BCOR: variants seen among roughly 807,000 people sequenced by gnomAD.
BCOR encodes BCL-6 corepressor.
A neutral mutation model predicts 86.7 loss-of-function variants in BCOR; 10 were observed. That is an observed-to-expected ratio of 0.12 (90% confidence interval 0.07 to 0.20). BCOR has a LOEUF of 0.20. Ranked by LOEUF, BCOR falls within the 10% of genes least tolerant of loss-of-function variation. The probability of loss-of-function intolerance (pLI) is 1.00; values close to 1 mark genes in which losing one functional copy is unlikely to be tolerated. For missense variants in BCOR, 1,259 were observed against 1,452.1 expected (o/e 0.87, Z 2.16); for synonymous variants, 611 against 609.0 (o/e 1.00, Z -0.05).
At chrX:40,092,266 G>C (rs1179626578) in intron 1 of BCOR, among the ~76,000 whole-genome samples, 2 of 111,877 alleles carry the variant, frequency 1.8e-5, no homozygotes, top group Admixed American at 9.3e-5. Flanking sequence ...CACTCCGCCC[G>C]GCGCGGGCCC....
In BCOR at chrX:40,113,354, C is replaced by G. The variant is rs191594074; in HGVS notation, c.-40-35385G>C. ...CCTGGAAGGTCCAGACTGCAGTGAGCCATGATTGCACCATTGCACTCCAGC... is the reference window on the plus strand; with the variant it reads ...CCTGGAAGGTCCAGACTGCAGTGAGGCATGATTGCACCATTGCACTCCAGC... On this transcript the variant is annotated intron_variant, in intron 1 of 14. Transcript: ENST00000342274. 1.5e-4 allele frequency among the ~76,000 whole-genome samples: 16 copies of G among 106,791 alleles called. No homozygotes were observed. The East Asian group carries it at 4.7e-3, about 31-fold the overall frequency. The allele number at this position is 106,791 out of a possible 115,157, so 92.7% of individuals were successfully genotyped here. A position where few individuals can be genotyped will look rare whatever the true frequency, so the allele number is the denominator to read the frequency against.
chrX:40,086,266 G>A (rs760967324), intron 1 of BCOR, among the ~76,000 whole-genome samples: 3 of 112,347 alleles, frequency 2.7e-5, no homozygotes, highest in East Asian at 2.8e-4. Flanking sequence ...GGGGAACAAC[G>A]GCCTTCAGAG....
chrX:40,069,641 C>T (rs1036464495), intron 6 of BCOR, among the ~76,000 whole-genome samples: 2 of 112,631 alleles, frequency 1.8e-5, no homozygotes, highest in African/African-American at 6.5e-5. Flanking sequence ...TCCCCATCAA[C>T]TCGGCCTTGC....
Position 40,072,532 on chromosome X carries a change from G to C in BCOR, c.2814C>G (p.Thr938=). The C allele has an allele frequency of 1.7e-6, 2 of 1,212,051 alleles. No individual in the cohort carries two copies. Among genetic ancestry groups the C allele is most frequent in the Non-Finnish European group, 1.1e-6 (1 of 895,535 alleles). Residue 938 remains threonine, a synonymous_variant, in exon 4 of 15, where the codon ACC becomes ACG. Transcript: ENST00000378444. ...CCTCATCAGCTCCATCTTTGGTATA[G>C]GTGGGGGTCACATCCACACTTGGTG... ...SAPPSVDVTP[T]YTKDGADEAE...
chrX:40,140,706 A>G (rs1307922590), intron 1 of BCOR, among the ~76,000 whole-genome samples: 1 of 112,716 alleles, frequency 8.9e-6, no homozygotes, highest in Admixed American at 9.4e-5. Flanking sequence ...AGAGGCTTGA[A>G]CGAATGCTAG....
At chrX:40,132,932 G>A (rs747243622) in intron 1 of BCOR, among the ~76,000 whole-genome samples, 4 of 111,665 alleles carry the variant, frequency 3.6e-5, no homozygotes, top group African/African-American at 6.5e-5. Context: ...ATTTTCAGGC[G>A]TGGGGCCAGG....
intron 1 of BCOR, among the ~76,000 whole-genome samples, chrX:40,172,369 T>C (rs1438556834): frequency 8.9e-6 from 1 of 112,486 alleles, no homozygotes; most frequent in Non-Finnish European, 1.9e-5. Flanking sequence ...CAAGCCTGAC[T>C]GTGCTTCCTA....
chrX:40,140,016 G>A (rs1386186240), intron 1 of BCOR, among the ~76,000 whole-genome samples: 1 of 110,050 alleles, frequency 9.1e-6, no homozygotes, highest in Non-Finnish European at 1.9e-5. Flanking sequence ...TCACCTGGGC[G>A]GACCCTTTGG....
chrX:40,053,074 T>G (rs1194724085), intron 14 of BCOR, among the ~76,000 whole-genome samples: 2 of 111,471 alleles, frequency 1.8e-5, no homozygotes, highest in African/African-American at 3.3e-5. Context: ...TAAGTCTGTA[T>G]CCCCATTTCT....
chrX:40,109,806 T>C (rs979579496), intron 1 of BCOR, among the ~76,000 whole-genome samples: 1 of 112,168 alleles, frequency 8.9e-6, no homozygotes, highest in African/African-American at 3.2e-5. Context: ...GAGCTCGGCC[T>C]GGCAAAGTTC....
intron 6 of BCOR, among the ~76,000 whole-genome samples, chrX:40,069,928 G>C (rs1370649732): frequency 8.9e-6 from 1 of 112,172 alleles, no homozygotes; most frequent in Non-Finnish European, 1.9e-5. Context: ...AATCAGTCCT[G>C]GTTTAGCTTA....
At chrX:40,066,930 C>A (rs1403417103) in intron 6 of BCOR, among the ~76,000 whole-genome samples, 3 of 97,817 alleles carry the variant, frequency 3.1e-5, no homozygotes, top group Admixed American at 1.1e-4. Flanking sequence ...CACCCCCCCC[C>A]CCCCATCAAA....
intron 14 of BCOR, 82 bp from the exon 15 acceptor site, chrX:40,052,482 A>T (rs1215529357): frequency 1.1e-6 from 1 of 930,552 alleles, no homozygotes; most frequent in Admixed American, 2.4e-5. Context: ...TACCAACCCA[A>T]GTGGACCAGC....
chrX:40,095,231 G>A (rs1376330503), intron 1 of BCOR, among the ~76,000 whole-genome samples: 1 of 112,184 alleles, frequency 8.9e-6, no homozygotes, highest in Non-Finnish European at 1.9e-5. Context: ...CAGATAACAG[G>A]TCGAGAGAGG....
intron 10 of BCOR, among the ~76,000 whole-genome samples, chrX:40,061,828 C>T (rs915764853): frequency 1.8e-5 from 2 of 111,143 alleles, no homozygotes; most frequent in South Asian, 7.7e-4. Flanking sequence ...TTCCCCTAGT[C>T]GCCAAGCCCT....
At chrX:40,052,725 C>T (rs12007303) in intron 14 of BCOR, among the ~76,000 whole-genome samples, 14,557 of 109,292 alleles carry the variant, frequency 0.13, 857 homozygotes, top group African/African-American at 0.21. Context: ...CCACCATGCC[C>T]GGCTACTTTT....
intron 1 of BCOR, among the ~76,000 whole-genome samples, chrX:40,166,347 CTCCA>C (rs991192923): frequency 1.8e-5 from 2 of 112,155 alleles, no homozygotes; most frequent in African/African-American, 6.5e-5. Context: ...TTGTGAACAT[CTCCA>C]TCATCACTGC....
At chrX:40,084,713 A>C (rs60278069) in intron 1 of BCOR, among the ~76,000 whole-genome samples, 5,449 of 33,232 alleles carry the variant, frequency 0.16, 322 homozygotes, top group East Asian at 0.52. Flanking sequence ...ACCCCCCCCC[A>C]CCACCACCAC....
intron 6 of BCOR, among the ~76,000 whole-genome samples, chrX:40,066,979 G>A (rs1935238595): frequency 1.0e-5 from 1 of 95,410 alleles, no homozygotes; most frequent in African/African-American, 4.1e-5. Context: ...CTAGTGCTTT[G>A]GATTTGACTT....
Sources: gnomAD v4.1 joint callset for allele counts (sites outside exome capture counted in the v4.1 genomes callset) on GRCh38, gnomAD v4.1.1 for gene constraint, MANE v1.5 for transcripts, NCBI Gene and HGNC (gene_info 2026-07-23, HGNC 2026-07-21) for gene names.